Variants in GARIN1A observed in about 807,000 individuals in gnomAD.
The protein encoded by GARIN1A is Golgi-associated RAB2 interactor protein 1A.
the GARIN1A span, among the ~76,000 whole-genome samples, chr7:128,689,409 C>A: frequency 6.6e-6 from 1 of 151,898 alleles, no homozygotes; most frequent in African/African-American, 2.4e-5. Flanking sequence ...GCCTCTGCCC[C>A]GTCTGGGATG....
At chr7:128,683,026 C>T in the GARIN1A span, 45 of 1,610,232 alleles carry the variant, frequency 2.8e-5, no homozygotes, top group South Asian at 4.4e-4. Flanking sequence ...TCTCCAGTGG[C>T]ATCTCCAATC....
At chr7:128,679,958 A>C in the GARIN1A span, 6 of 833,084 alleles carry the variant, frequency 7.2e-6, no homozygotes, top group Non-Finnish European at 1.1e-5. Context: ...AAACCCCTTC[A>C]AAGTTCTACC....
the GARIN1A span, chr7:128,672,597 C>G: frequency 1.6e-6 from 2 of 1,281,376 alleles, no homozygotes; most frequent in Non-Finnish European, 2.1e-6. Flanking sequence ...TTTCCAAAAC[C>G]TGTTCCTAGG....
At chr7:128,674,935 C>G in the GARIN1A span, among the ~76,000 whole-genome samples, 1 of 152,174 alleles carries the variant, frequency 6.6e-6, no homozygotes, top group Non-Finnish European at 1.5e-5. Flanking sequence ...TCTCTATTTT[C>G]TAAAAAAAGT....
the GARIN1A span, chr7:128,672,321 A>G: frequency 7.8e-6 from 10 of 1,283,174 alleles, no homozygotes; most frequent in Non-Finnish European, 1.1e-5. Flanking sequence ...GGGGCAGATC[A>G]CATCAACATC....
the GARIN1A span, among the ~76,000 whole-genome samples, chr7:128,707,756 AT>A: frequency 6.6e-6 from 1 of 152,010 alleles, no homozygotes; most frequent in African/African-American, 2.4e-5. Context: ...CCGGCCAAAT[AT>A]TTTTGATTCT....
At chr7:128,689,635 G>A in the GARIN1A span, among the ~76,000 whole-genome samples, 3 of 139,308 alleles carry the variant, frequency 2.2e-5, no homozygotes, top group East Asian at 2.2e-4. Context: ...CCCTCCGCCC[G>A]GCAGCCACCC....
the GARIN1A span, chr7:128,675,719 C>T: frequency 6.2e-7 from 1 of 1,613,908 alleles, no homozygotes; most frequent in Non-Finnish European, 8.5e-7. Context: ...AAGGGTCTGC[C>T]ACCGTGATCC....
the GARIN1A span, chr7:128,690,560 C>T: frequency 6.6e-6 from 1 of 152,100 alleles, no homozygotes; most frequent in African/African-American, 2.4e-5. Flanking sequence ...TTTTTGTGCA[C>T]CTGGTGAAAT....
chr7:128,683,154 G>A, the GARIN1A span: 5 of 1,605,878 alleles, frequency 3.1e-6, no homozygotes, highest in Middle Eastern at 1.7e-4. Flanking sequence ...CTTCTTGGGA[G>A]CCTGACACCT....
chr7:128,674,507 C>T, the GARIN1A span, among the ~76,000 whole-genome samples: 2 of 152,158 alleles, frequency 1.3e-5, no homozygotes, highest in Admixed American at 6.6e-5. Context: ...TCCTCTCTCC[C>T]CCTTCCTGCA....
At chr7:128,678,015 CTTTTTTTT>C in the GARIN1A span, 18 of 173,072 alleles carry the variant, frequency 1.0e-4, no homozygotes, top group South Asian at 2.9e-4. Flanking sequence ...AGAAATGTTT[CTTTTTTTT>C]TTTTTTTTTT....
chr7:128,699,264 C>T, the GARIN1A span, among the ~76,000 whole-genome samples: 60 of 135,966 alleles, frequency 4.4e-4, 1 homozygote, highest in African/African-American at 1.5e-3. Context: ...CCTGCTGCCC[C>T]CCCCCCCCCA....
the GARIN1A span, among the ~76,000 whole-genome samples, chr7:128,699,966 T>C: frequency 5.2e-3 from 798 of 152,328 alleles, 10 homozygotes; most frequent in African/African-American, 0.018. Flanking sequence ...TTTGTCTTTT[T>C]AGCAACAGTT....
the GARIN1A span, among the ~76,000 whole-genome samples, chr7:128,688,137 G>A: frequency 2.0e-5 from 3 of 151,832 alleles, no homozygotes; most frequent in Admixed American, 6.6e-5. Flanking sequence ...TTAGCCTCCC[G>A]AGTAGCTGGG....
At chr7:128,685,289 G>A in the GARIN1A span, 1 of 152,266 alleles carries the variant, frequency 6.6e-6, no homozygotes, top group Admixed American at 6.5e-5. Flanking sequence ...ATATTGGAGA[G>A]AACAAGACAG....
At chr7:128,700,678 T>A in the GARIN1A span, among the ~76,000 whole-genome samples, 1 of 152,206 alleles carries the variant, frequency 6.6e-6, no homozygotes, top group Non-Finnish European at 1.5e-5. Context: ...GCTTGAAACA[T>A]GCATACATAC....
At chr7:128,683,370 C>T in the GARIN1A span, 86 of 427,932 alleles carry the variant, frequency 2.0e-4, no homozygotes, top group African/African-American at 1.6e-3. Context: ...AAAGGACTGA[C>T]TGAGAACAGG....
chr7:128,682,148 T>A, the GARIN1A span, among the ~76,000 whole-genome samples: 1 of 152,072 alleles, frequency 6.6e-6, no homozygotes, highest in South Asian at 2.1e-4. Context: ...TCAAGCCCCC[T>A]GGGTTGTCCA....
Sources: gnomAD v4.1 joint callset for allele counts (sites outside exome capture counted in the v4.1 genomes callset) on GRCh38, gnomAD v4.1.1 for gene constraint, MANE v1.5 for transcripts, NCBI Gene and HGNC (gene_info 2026-07-23, HGNC 2026-07-21) for gene names.